The following MACROD2 variants were observed in gnomAD, a reference collection of about 807,000 sequenced individuals.
MACROD2 encodes mono-ADP ribosylhydrolase 2.
A neutral mutation model predicts 70.4 loss-of-function variants in MACROD2; 36 were observed. The ratio of observed to expected loss-of-function variants is 0.51; its 90% CI spans 0.39 to 0.68. MACROD2 has a LOEUF of 0.68. Ranked by LOEUF, MACROD2 falls within the 30% of genes least tolerant of loss-of-function variation. The probability of loss-of-function intolerance (pLI) is 0.00; values close to 1 mark genes in which losing one functional copy is unlikely to be tolerated. For missense variants in MACROD2, 496 were observed against 538.4 expected (o/e 0.92, Z 0.78); for synonymous variants, 172 against 178.8 (o/e 0.96, Z 0.30).
intron 6 of MACROD2, among the ~76,000 whole-genome samples, chr20:15,279,898 A>G (rs985325775): frequency 2.0e-5 from 3 of 152,164 alleles, no homozygotes; most frequent in African/African-American, 7.2e-5. Flanking sequence ...TCTTTTGGTA[A>G]TTACATCTAA....
At chr20:15,274,887 C>G (rs1005424250) in intron 6 of MACROD2, among the ~76,000 whole-genome samples, 3 of 152,136 alleles carry the variant, frequency 2.0e-5, no homozygotes, top group Non-Finnish European at 4.4e-5. Context: ...TGAGGAAAGG[C>G]TTCCTGGAAG....
intron 8 of MACROD2, among the ~76,000 whole-genome samples, chr20:15,578,497 A>G (rs1009927593): frequency 1.9e-5 from 1 of 51,304 alleles, no homozygotes; most frequent in Non-Finnish European, 7.8e-5. Flanking sequence ...GCAAGAGCTC[A>G]GTAAATGGTA....
intron 5 of MACROD2, among the ~76,000 whole-genome samples, chr20:14,928,541 A>C (rs1322075325): frequency 2.0e-5 from 3 of 152,208 alleles, no homozygotes; most frequent in African/African-American, 7.2e-5. Context: ...GATTTGCCAA[A>C]AAATTACATA....
chr20:15,759,790 T>G (rs1157093946), intron 8 of MACROD2, among the ~76,000 whole-genome samples: 1 of 152,188 alleles, frequency 6.6e-6, no homozygotes, highest in Non-Finnish European at 1.5e-5. Flanking sequence ...TTTTGACAGT[T>G]TTTAAACTAG....
chr20:15,320,021 C>T (rs2077856554), intron 6 of MACROD2, among the ~76,000 whole-genome samples: 1 of 152,066 alleles, frequency 6.6e-6, no homozygotes, highest in Non-Finnish European at 1.5e-5. Context: ...CCAGCCTGGC[C>T]AACATGGTGA....
intron 13 of MACROD2, among the ~76,000 whole-genome samples, chr20:15,979,981 A>G (rs35618493): frequency 1.3e-5 from 2 of 152,016 alleles, no homozygotes; most frequent in African/African-American, 4.8e-5. Flanking sequence ...AGCTCCCCGA[A>G]TGCACAATTT....
chr20:14,125,171 T>A (rs2054632788), intron 3 of MACROD2, among the ~76,000 whole-genome samples: 1 of 152,126 alleles, frequency 6.6e-6, no homozygotes, highest in Non-Finnish European at 1.5e-5. Flanking sequence ...AGTGACTGTT[T>A]AATGGATATG....
intron 7 of MACROD2, among the ~76,000 whole-genome samples, chr20:15,489,459 A>C (rs1481582204): frequency 6.6e-6 from 1 of 152,178 alleles, no homozygotes; most frequent in Non-Finnish European, 1.5e-5. Flanking sequence ...GATGGTACCT[A>C]AATGTTCAAG....
At chr20:15,272,628 C>T (rs149665897) in intron 6 of MACROD2, among the ~76,000 whole-genome samples, 22 of 152,208 alleles carry the variant, frequency 1.4e-4, no homozygotes, top group East Asian at 5.8e-4. Flanking sequence ...CAGCATTGTA[C>T]GCATGTACCA....
intron 5 of MACROD2, among the ~76,000 whole-genome samples, chr20:15,079,130 G>GA (rs1304226739): frequency 5.3e-5 from 8 of 152,086 alleles, no homozygotes; most frequent in African/African-American, 1.4e-4. Flanking sequence ...CTTCTAGAAA[G>GA]AAAAAAAGAA....
intron 8 of MACROD2, among the ~76,000 whole-genome samples, chr20:15,568,482 C>T (rs953946134): frequency 3.3e-5 from 5 of 152,194 alleles, no homozygotes; most frequent in African/African-American, 4.8e-5. Context: ...CAGTGACCTA[C>T]ACTAACAAAT....
At chr20:15,434,273 A>G (rs761652748) in intron 7 of MACROD2, among the ~76,000 whole-genome samples, 28 of 152,072 alleles carry the variant, frequency 1.8e-4, no homozygotes, top group Non-Finnish European at 3.4e-4. Flanking sequence ...TTTGCAAACT[A>G]TGCATCTGAC....
intron 8 of MACROD2, among the ~76,000 whole-genome samples, chr20:15,648,369 T>G (rs2049586460): frequency 6.6e-6 from 1 of 152,196 alleles, no homozygotes; most frequent in Non-Finnish European, 1.5e-5. Context: ...CACAGGACCT[T>G]GGGCCTCCTT....
chr20:14,855,591 T>A, intron 5 of MACROD2, among the ~76,000 whole-genome samples: 1 of 131,978 alleles, frequency 7.6e-6, no homozygotes, highest in Non-Finnish European at 1.6e-5. Context: ...TTAGTGATCC[T>A]ACCAAGTTTT....
At chr20:15,028,890 G>A (rs2075253743) in intron 5 of MACROD2, among the ~76,000 whole-genome samples, 1 of 152,208 alleles carries the variant, frequency 6.6e-6, no homozygotes, top group Non-Finnish European at 1.5e-5. Context: ...AATGAGGTTG[G>A]AGAAATGGGC....
intron 5 of MACROD2, among the ~76,000 whole-genome samples, chr20:14,948,271 G>C (rs2074448818): frequency 6.6e-6 from 1 of 152,140 alleles, no homozygotes; most frequent in South Asian, 2.1e-4. Flanking sequence ...TGATGGGAGT[G>C]GGGAATGGCT....
rs139737823 is a variant in MACROD2 at position 15,284,133 on chromosome 20, A to G, written c.540+54072A>G. On this transcript the variant is annotated intron_variant, in intron 6 of 17. Coordinates refer to ENST00000684519, the MANE Select transcript of MACROD2 (RefSeq NM_001351661.2). ...CATTTTTAAATTGTAACTTTTTTAC[A>G]TAGTTTGTTTGAATCAAGATATCTT... 4.4e-3 allele frequency among the ~76,000 whole-genome samples: 670 copies of G among 152,202 alleles called. 7 individuals carry two copies. Among genetic ancestry groups the G allele is most frequent in the African/African-American group, 0.016 (647 of 41,534 alleles).
At position 15,168,166 on chromosome 20, in the gene MACROD2, A is replaced by G. The variant is rs144516459; in HGVS notation, c.419-61774A>G. On this transcript the variant is annotated intron_variant, in intron 5 of 17. Transcript: ENST00000684519. ...TGCTCAAAGCCTGGAGGGACTAAAC[A>G]ATAATACTTCACATCAGCGTGATGT... 2.6e-5 allele frequency among the ~76,000 whole-genome samples: 4 copies of G among 152,308 alleles called. No individual in the cohort carries two copies. In the East Asian group the frequency reaches 5.8e-4, roughly 22 times the overall value.
intron 6 of MACROD2, among the ~76,000 whole-genome samples, chr20:15,341,067 G>T (rs1393606055): frequency 6.6e-6 from 1 of 152,114 alleles, no homozygotes; most frequent in Non-Finnish European, 1.5e-5. Context: ...TGGAAAGAGA[G>T]GTTACTTGTT....
Sources: gnomAD v4.1 joint callset for allele counts (sites outside exome capture counted in the v4.1 genomes callset) on GRCh38, gnomAD v4.1.1 for gene constraint, MANE v1.5 for transcripts, NCBI Gene and HGNC (gene_info 2026-07-23, HGNC 2026-07-21) for gene names.